The following DLGAP3 variants were observed in gnomAD, a reference collection of about 807,000 sequenced individuals.
DLGAP3 encodes the protein DLG associated protein 3, also known as disks large-associated protein 3.
A neutral mutation model predicts 81.2 loss-of-function variants in DLGAP3; 17 were observed. The observed-to-expected ratio is 0.21, with a 90% CI of 0.14 to 0.31. The LOEUF is 0.31. DLGAP3 is among the 10% of genes least tolerant of loss of function. DLGAP3 has a pLI of 1.00. For missense variants in DLGAP3, 1,124 were observed against 1,388.0 expected (o/e 0.81, Z 3.02); for synonymous variants, 577 against 587.4 (o/e 0.98, Z 0.26).
At chr1:34,913,073 C>T (rs1027777806) in intron 1 of DLGAP3, among the ~76,000 whole-genome samples, 1 of 152,188 alleles carries the variant, frequency 6.6e-6, no homozygotes, top group South Asian at 2.1e-4. Flanking sequence ...TCCAACCCCA[C>T]TCCTTAGGAC....
At position 34,900,101 on chromosome 1, in the gene DLGAP3, C is replaced by T. The variant is rs533262378; in HGVS notation, c.1280G>A (p.Arg427His). The T allele has an allele frequency of 4.4e-5, 71 of 1,613,726 alleles. No individual in the cohort carries two copies. Among genetic ancestry groups the T allele is most frequent in the Middle Eastern group, 1.6e-4 (1 of 6,082 alleles). Residue 427 changes from arginine to histidine, a missense_variant, in exon 4 of 12, where the codon CGT (arginine) becomes CAT (histidine). Arg to His is a conservative substitution (Grantham distance 29). Around this residue, in one of 9 missense-constraint regions of DLGAP3, gnomAD observed 357 missense variants for 408.8 expected, o/e 0.87. Transcript: ENST00000373347. This position sits in a 1 kb window ranked among gnomAD's most constrained non-coding sequence, Gnocchi z 5.6. The part of the protein sequence containing the change: ...PKAVARRFTT[R>H]RSSSVDQARI... ...GGCCTGGTCCACGCTGGAGGAGCGA[C>T]GGGTGGTGAAGCGTCGGGCGACTGC...
Position 34,885,645 on chromosome 1 carries a change from C to T in DLGAP3, c.1747G>A (p.Asp583Asn). ...CCCATGGCGGGGCCGTCCAGCCCGT[C>T]GGCGGAGCTGCAGCGCCGGGCGGGG... The part of the protein sequence containing the change: ...EGPARRCSSA[D>N]GLDGPAMGAR... Residue 583 changes from aspartate to asparagine, a missense_variant, in exon 7 of 12, where the codon GAC becomes AAC. Transcript: ENST00000373347. The T allele has an allele frequency of 2.7e-6, 4 of 1,477,476 alleles. No homozygotes were observed. The highest frequency in any genetic ancestry group is 3.6e-6 in the Non-Finnish European group (4 of 1,119,622). The allele number at this position is 1,477,476 out of a possible 1,614,324, so 91.5% of individuals were successfully genotyped here. A position where few individuals can be genotyped will look rare whatever the true frequency, so the allele number is the denominator to read the frequency against.
chr1:34,903,462 G>C (rs1282633892), intron 3 of DLGAP3, among the ~76,000 whole-genome samples: 1 of 152,188 alleles, frequency 6.6e-6, no homozygotes, highest in Non-Finnish European at 1.5e-5. Flanking sequence ...TCCAGAACTT[G>C]TATTGACTTT....
In DLGAP3 at chr1:34,904,132, C is replaced by T. The variant is rs990089787; in HGVS notation, c.1107+145G>A. 3.1e-6 allele frequency: 3 copies of T among 962,310 alleles called. No individual in the cohort carries two copies. Among genetic ancestry groups the T allele is most frequent in the South Asian group, 2.7e-5 (2 of 73,120 alleles). The allele number at this position is 962,310 out of a possible 1,614,324, so 59.6% of individuals were successfully genotyped here. On this transcript the variant is annotated intron_variant, in intron 3 of 11. Transcript: ENST00000373347. The surrounding 1 kb of genome is among the most constrained non-coding windows in gnomAD (Gnocchi z 8.1). ...AAGCCCCAAAGGAGCTCAGAGTGACCCAATGGGGCAGGGCAGAGCCTCCCT... is the reference window on the plus strand; with the variant it reads ...AAGCCCCAAAGGAGCTCAGAGTGACTCAATGGGGCAGGGCAGAGCCTCCCT...
At chr1:34,915,924 C>T (rs1482511995) in intron 1 of DLGAP3, among the ~76,000 whole-genome samples, 1 of 152,162 alleles carries the variant, frequency 6.6e-6, no homozygotes, top group African/African-American at 2.4e-5. Context: ...TAAAATTGCC[C>T]TCCCATCAAT....
intron 8 of DLGAP3, among the ~76,000 whole-genome samples, chr1:34,880,509 T>C (rs962696566): frequency 3.9e-5 from 6 of 152,072 alleles, no homozygotes; most frequent in Non-Finnish European, 4.4e-5. Flanking sequence ...GGCGGGCGGA[T>C]CACCTGAGGT....
rs774657338 is a variant in DLGAP3 at position 34,868,779 on chromosome 1, G to A, written c.2311C>T (p.Arg771Cys). Residue 771 changes from arginine (R) to cysteine (C), a missense_variant, in exon 9 of 12, where the codon CGT (arginine) becomes TGT (cysteine). Around this residue, in one of 9 missense-constraint regions of DLGAP3, gnomAD observed 379 missense variants for 455.7 expected, o/e 0.83. Coordinates refer to ENST00000373347, the MANE Select transcript of DLGAP3 (RefSeq NM_001080418.3). This position sits in a 1 kb window ranked among gnomAD's most constrained non-coding sequence, Gnocchi z 7.5. ...GAACCGCGCTCTATCCAGGAGTCACGGCGGCCGGCCCCAGGGCCGGGGGTG... is the reference window on the plus strand; with the variant it reads ...GAACCGCGCTCTATCCAGGAGTCACAGCGGCCGGCCCCAGGGCCGGGGGTG... ...APTPGPGAGRRDSWIERGSRS... is the reference protein window; with the variant it reads ...APTPGPGAGRCDSWIERGSRS... The A allele has an allele frequency of 1.9e-5, 30 of 1,592,422 alleles. No homozygotes were observed. The South Asian group carries it at 2.6e-4, about 14-fold the overall frequency.
chr1:34,891,362 C>A (rs953779907), intron 5 of DLGAP3, among the ~76,000 whole-genome samples: 3 of 152,166 alleles, frequency 2.0e-5, no homozygotes, highest in African/African-American at 4.8e-5. Context: ...ATATCAAGAA[C>A]AGGAAAGGCC....
At chr1:34,928,331 T>C (rs1639903087) in intron 1 of DLGAP3, among the ~76,000 whole-genome samples, 4 of 151,946 alleles carry the variant, frequency 2.6e-5, no homozygotes, top group Admixed American at 2.6e-4. Context: ...AGGCCCTTGG[T>C]GAAACATTAT....
At chr1:34,896,523 A>G (rs2148407765) in intron 5 of DLGAP3, among the ~76,000 whole-genome samples, 1 of 151,654 alleles carries the variant, frequency 6.6e-6, no homozygotes, top group East Asian at 1.9e-4. Flanking sequence ...CGGGAGATGG[A>G]GGTTGCAGTG....
At chr1:34,869,861 G>A (rs767252181) in intron 8 of DLGAP3, among the ~76,000 whole-genome samples, 4 of 152,204 alleles carry the variant, frequency 2.6e-5, no homozygotes. Flanking sequence ...ACCTAGAGAT[G>A]AGTAAACTAA....
intron 8 of DLGAP3, among the ~76,000 whole-genome samples, chr1:34,882,110 T>A (rs899061339): frequency 1.3e-5 from 2 of 152,196 alleles, no homozygotes; most frequent in Non-Finnish European, 2.9e-5. Flanking sequence ...AGATAACCTA[T>A]GAGACTAATA....
Position 34,866,053 on chromosome 1 carries a change from G to A in DLGAP3, c.*30C>T, listed in dbSNP as rs374304035. 3.1e-5 allele frequency: 48 copies of A among 1,569,484 alleles called. No individual in the cohort carries two copies. In the Middle Eastern group the frequency reaches 5.2e-4, roughly 17 times the overall value. On this transcript the variant is annotated 3_prime_UTR_variant, in exon 12 of 12. Coordinates refer to ENST00000373347, the MANE Select transcript of DLGAP3 (RefSeq NM_001080418.3). ...GTACAGTACGGGTGGAGAACCGCGG[G>A]CCCGGGCCGGGCTGGGCGGGCCGGA... is the stretch of plus-strand genomic sequence containing the variant.
At chr1:34,928,683 C>T (rs946025438) in intron 1 of DLGAP3, among the ~76,000 whole-genome samples, 1 of 151,958 alleles carries the variant, frequency 6.6e-6, no homozygotes, top group Non-Finnish European at 1.5e-5. Flanking sequence ...GAGTGAACCG[C>T]GCTCAGATAC....
chr1:34,920,789 T>C (rs1442259252), intron 1 of DLGAP3, among the ~76,000 whole-genome samples: 1 of 152,192 alleles, frequency 6.6e-6, no homozygotes, highest in African/African-American at 2.4e-5. Flanking sequence ...ACACTGTAGA[T>C]ACAGCAATGA....
chr1:34,886,848 T>C (rs915281574), intron 5 of DLGAP3, among the ~76,000 whole-genome samples: 3 of 150,382 alleles, frequency 2.0e-5, no homozygotes, highest in Non-Finnish European at 4.4e-5. Context: ...ATATGCTATA[T>C]ATATATAAAA....
At chr1:34,912,359 G>A (rs1411690744) in intron 1 of DLGAP3, among the ~76,000 whole-genome samples, 1 of 152,208 alleles carries the variant, frequency 6.6e-6, no homozygotes, top group Non-Finnish European at 1.5e-5. Flanking sequence ...ATCCAGGTGT[G>A]TTTGACAAAG....
chr1:34,883,091 A>G (rs1569612312), intron 8 of DLGAP3, among the ~76,000 whole-genome samples: 1 of 152,276 alleles, frequency 6.6e-6, no homozygotes, highest in African/African-American at 2.4e-5. Flanking sequence ...ATATTCCTAC[A>G]TAATATGCAA....
At chr1:34,869,432 AGGAGCCAGGGT>A (rs919702549) in intron 8 of DLGAP3, among the ~76,000 whole-genome samples, 1 of 148,544 alleles carries the variant, frequency 6.7e-6, no homozygotes, top group Non-Finnish European at 1.5e-5. Flanking sequence ...GGGGTCAGGG[AGGAGCCAGGGT>A]GGTGGCTCTT....
Sources: allele counts gnomAD v4.1 joint callset (sites outside exome capture counted in the v4.1 genomes callset), GRCh38; gene constraint gnomAD v4.1.1; regional missense constraint gnomAD v4.1.1; non-coding constraint Gnocchi (gnomAD v3.1); transcripts MANE v1.5; gene names NCBI Gene and HGNC (gene_info 2026-07-23, HGNC 2026-07-21).